Variants in RBFOX1 observed in about 807,000 individuals in gnomAD.
RBFOX1 encodes the protein RNA binding fox-1 homolog 1, also known as RNA binding protein fox-1 homolog 1.
A neutral mutation model predicts 57.7 loss-of-function variants in RBFOX1; 8 were observed. The ratio of observed to expected loss-of-function variants is 0.14; its 90% CI spans 0.08 to 0.25. The LOEUF (loss-of-function observed/expected upper bound fraction) is 0.25. Ranked by LOEUF, RBFOX1 falls within the 10% of genes least tolerant of loss-of-function variation. RBFOX1 has a pLI of 1.00. For synonymous variants in RBFOX1, 326 were observed against 222.4 expected (o/e 1.47, Z -4.15); for missense variants, 611 against 548.5 (o/e 1.11, Z -1.14).
intron 3 of RBFOX1, among the ~76,000 whole-genome samples, chr16:5,841,880 C>G (rs2056634456): frequency 6.6e-6 from 1 of 152,214 alleles, no homozygotes; most frequent in Non-Finnish European, 1.5e-5. Flanking sequence ...TCCTGGGCTG[C>G]CTCTCCTCAA....
chr16:6,396,699 A>G (rs771385114), intron 2 of RBFOX1, among the ~76,000 whole-genome samples: 4 of 152,186 alleles, frequency 2.6e-5, no homozygotes, highest in Admixed American at 1.3e-4. Context: ...TCATTAATAT[A>G]TTATCCATGA....
At chr16:7,381,168 C>T (rs756043048) in intron 4 of RBFOX1, among the ~76,000 whole-genome samples, 5 of 152,180 alleles carry the variant, frequency 3.3e-5, no homozygotes, top group Non-Finnish European at 7.3e-5. Flanking sequence ...ACTTCTCCCA[C>T]GTTAAACTTA....
intron 1 of RBFOX1, 143 bp from the exon 2 acceptor site, chr16:6,316,852 C>G (rs1474547556): frequency 1.7e-6 from 1 of 589,822 alleles, no homozygotes; most frequent in Middle Eastern, 2.7e-4. Flanking sequence ...TCATCATCAT[C>G]ATCACCATCA....
chr16:5,920,575 G>T (rs2058799560), intron 4 of RBFOX1, among the ~76,000 whole-genome samples: 1 of 152,258 alleles, frequency 6.6e-6, no homozygotes, highest in Admixed American at 6.5e-5. Flanking sequence ...CTAGTCTCAA[G>T]AGCACAGCCC....
chr16:7,350,422 G>A (rs1450730319), intron 4 of RBFOX1, among the ~76,000 whole-genome samples: 1 of 152,206 alleles, frequency 6.6e-6, no homozygotes, highest in Non-Finnish European at 1.5e-5. Context: ...GCAATCAGCA[G>A]CCAGGTCCCA....
chr16:6,813,037 G>C (rs1038172576), intron 3 of RBFOX1, among the ~76,000 whole-genome samples: 10 of 151,758 alleles, frequency 6.6e-5, no homozygotes, highest in African/African-American at 2.4e-4. Context: ...AAGACCTATT[G>C]TCATGGCAAC....
intron 2 of RBFOX1, among the ~76,000 whole-genome samples, chr16:6,528,815 C>T (rs781699674): frequency 1.1e-4 from 17 of 152,174 alleles, no homozygotes; most frequent in African/African-American, 2.4e-5. Context: ...TAGCATTCCA[C>T]ACCCCACCTC....
intron 3 of RBFOX1, among the ~76,000 whole-genome samples, chr16:7,036,989 C>G (rs370014415): frequency 2.0e-5 from 3 of 152,072 alleles, no homozygotes; most frequent in Non-Finnish European, 4.4e-5. Flanking sequence ...AACTTCCTGA[C>G]GTTGCCATGG....
chr16:7,380,335 A>G (rs960525682), intron 4 of RBFOX1, among the ~76,000 whole-genome samples: 1 of 152,238 alleles, frequency 6.6e-6, no homozygotes, highest in Non-Finnish European at 1.5e-5. Flanking sequence ...ATTGTTTAGT[A>G]CATACCTTTG....
intron 2 of RBFOX1, among the ~76,000 whole-genome samples, chr16:5,468,000 C>T (rs1042353778): frequency 2.0e-5 from 3 of 152,100 alleles, no homozygotes; most frequent in African/African-American, 7.2e-5. Flanking sequence ...GTTTAAGTGG[C>T]AAAGGAGGCT....
At chr16:6,946,477 C>A (rs901237197) in intron 3 of RBFOX1, among the ~76,000 whole-genome samples, 11 of 152,176 alleles carry the variant, frequency 7.2e-5, no homozygotes, top group African/African-American at 2.7e-4. Flanking sequence ...AATGGGCTTT[C>A]TGCATAGCCT....
intron 3 of RBFOX1, among the ~76,000 whole-genome samples, chr16:6,937,648 A>G (rs1261110812): frequency 1.3e-5 from 2 of 152,096 alleles, no homozygotes; most frequent in South Asian, 4.1e-4. Flanking sequence ...GGACAACTGG[A>G]AGCAAGGGTA....
chr16:6,170,220 T>G (rs112452343), intron 1 of RBFOX1, among the ~76,000 whole-genome samples: 4,409 of 152,248 alleles, frequency 0.029, 201 homozygotes, highest in African/African-American at 0.097. Context: ...CATGAGGTAA[T>G]GAGAGACTAT....
rs202228351 is a variant in RBFOX1 at position 7,712,365 on chromosome 16, C to T, written c.*1620C>T. 18 of 152,748 alleles carry T rather than the reference C, an allele frequency of 1.2e-4. No homozygotes were observed. The highest frequency in any genetic ancestry group is 4.3e-4 in the African/African-American group (18 of 41,560). 9.5% of individuals were successfully genotyped at this position (152,748 alleles called of 1,614,324 possible). A position where few individuals can be genotyped will look rare whatever the true frequency, so the allele number is the denominator to read the frequency against. On this transcript the variant is annotated 3_prime_UTR_variant, in exon 16 of 16. Transcript: ENST00000550418. ...CTGTGAACCTGCCAATCCGCTGTAA[C>T]AACTCTGCTTTAAAACAAAACCAAA...
intron 2 of RBFOX1, among the ~76,000 whole-genome samples, chr16:6,620,599 C>G (rs544664452): frequency 6.6e-6 from 1 of 151,728 alleles, no homozygotes; most frequent in Admixed American, 6.6e-5. Flanking sequence ...ACAAAACAAA[C>G]GATTAGCTAG....
chr16:6,567,405 C>G (rs376807884), intron 2 of RBFOX1, among the ~76,000 whole-genome samples: 6 of 152,284 alleles, frequency 3.9e-5, no homozygotes, highest in African/African-American at 1.2e-4. Flanking sequence ...CTTTCTGTCC[C>G]TAGATAGCCT....
At chr16:5,791,626 A>G (rs1224612641) in intron 3 of RBFOX1, among the ~76,000 whole-genome samples, 3 of 152,184 alleles carry the variant, frequency 2.0e-5, no homozygotes, top group Non-Finnish European at 4.4e-5. Flanking sequence ...GACTTCCCCA[A>G]GGTCACACTA....
At chr16:6,127,389 C>T (rs1221953868) in intron 1 of RBFOX1, among the ~76,000 whole-genome samples, 2 of 151,620 alleles carry the variant, frequency 1.3e-5, no homozygotes, top group African/African-American at 2.4e-5. Flanking sequence ...GCTCTCTGTT[C>T]ATGTGGACCT....
At chr16:7,493,823 G>A (rs1259364279) in intron 4 of RBFOX1, among the ~76,000 whole-genome samples, 2 of 152,130 alleles carry the variant, frequency 1.3e-5, no homozygotes, top group Non-Finnish European at 1.5e-5. Flanking sequence ...CAATGTTTCT[G>A]GTAATTTGTT....
Sources: gnomAD v4.1 joint callset for allele counts (sites outside exome capture counted in the v4.1 genomes callset) on GRCh38, gnomAD v4.1.1 for gene constraint, MANE v1.5 for transcripts, NCBI Gene and HGNC (gene_info 2026-07-23, HGNC 2026-07-21) for gene names.